The following COPG2 variants were observed in gnomAD, a reference collection of about 807,000 sequenced individuals.
The protein encoded by COPG2 is coatomer subunit gamma-2.
COPG2 carries 37 observed loss-of-function variants against 46.3 expected under a neutral mutation model. That is an observed-to-expected ratio of 0.80 (90% confidence interval 0.61 to 1.05). COPG2 has a LOEUF of 1.05. COPG2 is among the 50% of genes least tolerant of loss of function. COPG2 has a pLI of 0.00. For synonymous variants in COPG2, 159 were observed against 129.7 expected, an observed-to-expected ratio of 1.23 and a Z score of -1.53; for missense variants, 427 against 387.8, an observed-to-expected ratio of 1.10 and a Z score of -0.85.
At chr7:130,565,029 G>T (rs1272590245) in intron 9 of COPG2, among the ~76,000 whole-genome samples, 1 of 152,190 alleles carries the variant, frequency 6.6e-6, no homozygotes, top group Non-Finnish European at 1.5e-5. Flanking sequence ...AACTTAAAAG[G>T]AAAATTTGAG....
chr7:130,627,730 T>C (rs1795142783), intron 5 of COPG2, among the ~76,000 whole-genome samples: 1 of 120,608 alleles, frequency 8.3e-6, no homozygotes, highest in South Asian at 2.9e-4. Context: ...ACAACCTTAG[T>C]GGTTGGCCAC....
chr7:130,538,280 A>C (rs1313425007), intron 20 of COPG2, among the ~76,000 whole-genome samples: 15 of 152,248 alleles, frequency 9.9e-5, no homozygotes, highest in African/African-American at 3.6e-4. Context: ...ATTGGAGTGG[A>C]GCAGCCACAT....
chr7:130,547,640 A>C, intron 20 of COPG2, 34 bp downstream of exon 20: 1 of 398,598 alleles, frequency 2.5e-6, no homozygotes, highest in Admixed American at 4.4e-5. Context: ...ATGCATTCTG[A>C]ATCACGTATC....
At chr7:130,582,758 C>A (rs1367501405) in intron 9 of COPG2, among the ~76,000 whole-genome samples, 2 of 151,414 alleles carry the variant, frequency 1.3e-5, no homozygotes, top group Non-Finnish European at 3.0e-5. Context: ...TGCTCACCAT[C>A]ACTGGCCATC....
intron 9 of COPG2, among the ~76,000 whole-genome samples, chr7:130,602,206 C>T (rs889761262): frequency 1.3e-5 from 2 of 152,206 alleles, no homozygotes; most frequent in African/African-American, 4.8e-5. Context: ...ACACTTACTT[C>T]TAACCGATTT....
In COPG2 at chr7:130,528,490, G is replaced by A. The variant is rs917707546; in HGVS notation, c.2149+19184C>T. ...ATGACTGCATCTGGCGGAGCAGCGGGTGCGGGGCCAGGTCAAGAAGGGAGG... is the reference window on the plus strand; with the variant it reads ...ATGACTGCATCTGGCGGAGCAGCGGATGCGGGGCCAGGTCAAGAAGGGAGG... On this transcript the variant is annotated intron_variant, in intron 20 of 23. Coordinates refer to ENST00000425248, the MANE Select transcript of COPG2 (RefSeq NM_012133.6). 6.3e-4 allele frequency among the ~76,000 whole-genome samples: 96 copies of A among 152,208 alleles called. 1 individual carries two copies. Among genetic ancestry groups the A allele is most frequent in the African/African-American group, 2.2e-3 (91 of 41,514 alleles).
chr7:130,663,729 T>TC (rs1796021139), intron 3 of COPG2, among the ~76,000 whole-genome samples: 1 of 133,080 alleles, frequency 7.5e-6, no homozygotes, highest in African/African-American at 2.8e-5. Context: ...GCATTTCTTT[T>TC]CTTTTTTTTT....
At position 130,571,772 on chromosome 7, in the gene COPG2, T is replaced by C. The variant is rs781988330; in HGVS notation, c.738-7379A>G. Among the ~76,000 whole-genome samples, 8 of 152,060 alleles carry C rather than the reference T, an allele frequency of 5.3e-5. No homozygotes were observed. The East Asian group carries it at 5.8e-4, about 11-fold the overall frequency. On this transcript the variant is annotated intron_variant, in intron 9 of 23. Coordinates refer to ENST00000425248, the MANE Select transcript of COPG2 (RefSeq NM_012133.6). ...ATGTTTATAGCAGCACAATTCACAA[T>C]TGCAGAAATATGGAACCAGCCCAAA...
intron 9 of COPG2, among the ~76,000 whole-genome samples, chr7:130,602,221 C>G: frequency 6.6e-6 from 1 of 152,154 alleles, no homozygotes; most frequent in Admixed American, 6.5e-5. Context: ...CGATTTCTTT[C>G]CTGTTGTCTA....
At chr7:130,628,703 CT>C (rs1554454673) in intron 5 of COPG2, among the ~76,000 whole-genome samples, 1 of 152,070 alleles carries the variant, frequency 6.6e-6, no homozygotes, top group Non-Finnish European at 1.5e-5. Flanking sequence ...TTTAACATTT[CT>C]TGCAGAGTAA....
chr7:130,550,062 A>G (rs1001041848), intron 17 of COPG2, among the ~76,000 whole-genome samples: 2 of 152,196 alleles, frequency 1.3e-5, no homozygotes, highest in Non-Finnish European at 2.9e-5. Flanking sequence ...TGTAAAAACC[A>G]GGAGTTTTTT....
intron 1 of COPG2, 87 bp from the exon 2 acceptor site, chr7:130,667,621 G>A: frequency 9.6e-7 from 1 of 1,038,576 alleles, no homozygotes; most frequent in East Asian, 2.4e-5. Context: ...CTGAATGCTT[G>A]GGAAGTGAAC....
chr7:130,526,266 G>C (rs981700412), intron 20 of COPG2, among the ~76,000 whole-genome samples: 5 of 152,176 alleles, frequency 3.3e-5, no homozygotes, highest in Admixed American at 3.3e-4. Context: ...GTGGGATAGA[G>C]AGAGGAAGGA....
intron 20 of COPG2, chr7:130,509,309 T>A (rs782705717): frequency 2.0e-6 from 1 of 511,544 alleles, no homozygotes; most frequent in Admixed American, 2.0e-5. Flanking sequence ...GAAATGGAGG[T>A]GGGGGTACAT....
chr7:130,506,441 C>T lies in COPG2; in HGVS notation c.*235G>A, dbSNP rs1799484419. The T allele has an allele frequency of 4.0e-6, 1 of 252,750 alleles. No individual in the cohort carries two copies. 15.7% of individuals were successfully genotyped at this position (252,750 alleles called of 1,614,324 possible). A position where few individuals can be genotyped will look rare whatever the true frequency, so the allele number is the denominator to read the frequency against. The stretch of plus-strand genomic sequence containing the variant: ...ATAGTATTTGATTTTCAAGATCACC[C>T]AAAGCTGCACTATCGTCCCAAAGCT... On this transcript the variant is annotated 3_prime_UTR_variant, in exon 24 of 24. Transcript: ENST00000425248.
intron 9 of COPG2, among the ~76,000 whole-genome samples, chr7:130,587,487 G>A (rs1216808403): frequency 6.6e-6 from 1 of 151,800 alleles, no homozygotes; most frequent in Non-Finnish European, 1.5e-5. Flanking sequence ...AATTTTAATT[G>A]TACAATATTC....
chr7:130,532,305 A>G (rs1199271097), intron 20 of COPG2, among the ~76,000 whole-genome samples: 1 of 152,218 alleles, frequency 6.6e-6, no homozygotes, highest in Non-Finnish European at 1.5e-5. Context: ...AGTGAGGCCC[A>G]GAGAAGGGTC....
intron 9 of COPG2, among the ~76,000 whole-genome samples, chr7:130,603,143 A>G (rs1794668479): frequency 6.6e-6 from 1 of 152,198 alleles, no homozygotes; most frequent in African/African-American, 2.4e-5. Flanking sequence ...CAGTATGAAA[A>G]TCATACGTGA....
At chr7:130,562,673 T>C (rs1793737624) in intron 11 of COPG2, among the ~76,000 whole-genome samples, 1 of 152,202 alleles carries the variant, frequency 6.6e-6, no homozygotes, top group African/African-American at 2.4e-5. Context: ...ATATACTGGA[T>C]GTCAAAAACT....
Sources: allele counts gnomAD v4.1 joint callset (sites outside exome capture counted in the v4.1 genomes callset), GRCh38; gene constraint gnomAD v4.1.1; transcripts MANE v1.5; gene names NCBI Gene and HGNC (gene_info 2026-07-23, HGNC 2026-07-21).